The following TENM3 variants were observed in gnomAD, a reference collection of about 807,000 sequenced individuals.
TENM3 encodes the protein teneurin transmembrane protein 3, also known as teneurin-3.
Under a neutral mutation model 255.1 loss-of-function variants are expected in TENM3, and 63 were observed. The ratio of observed to expected loss-of-function variants is 0.25; its 90% confidence interval spans 0.20 to 0.30. TENM3 has a LOEUF of 0.30. Ranked by LOEUF, TENM3 falls within the 10% of genes least tolerant of loss-of-function variation. The probability of loss-of-function intolerance (pLI) is 1.00; values close to 1 mark genes in which losing one functional copy is unlikely to be tolerated. For synonymous variants in TENM3, 1,306 were observed against 1,322.3 expected (o/e 0.99, Z 0.27); for missense variants, 2,929 against 3,461.1 (o/e 0.85, Z 3.86).
intron 3 of TENM3, among the ~76,000 whole-genome samples, chr4:182,558,914 A>G (rs924692858): frequency 1.3e-5 from 2 of 152,124 alleles, no homozygotes; most frequent in Non-Finnish European, 2.9e-5. Flanking sequence ...TTATGATGTA[A>G]AAGAATAATC....
At chr4:182,462,068 CTT>C (rs34287537) in intron 3 of TENM3, among the ~76,000 whole-genome samples, 21 of 146,846 alleles carry the variant, frequency 1.4e-4, no homozygotes, top group South Asian at 4.3e-4. Flanking sequence ...CTCCTCTGAG[CTT>C]TTTTTTTTTT....
chr4:182,779,011 T>C (rs1764925582), intron 24 of TENM3, among the ~76,000 whole-genome samples: 1 of 151,356 alleles, frequency 6.6e-6, no homozygotes, highest in Non-Finnish European at 1.5e-5. Context: ...ACAGATTTTG[T>C]TACTGGTTTT....
chr4:181,739,807 A>C, the TENM3 span, among the ~76,000 whole-genome samples: 1 of 152,232 alleles, frequency 6.6e-6, no homozygotes, highest in East Asian at 1.9e-4. Context: ...TTTTAATTAT[A>C]AAAATTAGCA....
chr4:182,013,926 A>G, the TENM3 span, among the ~76,000 whole-genome samples: 6 of 148,152 alleles, frequency 4.0e-5, no homozygotes, highest in South Asian at 2.1e-4. Context: ...TTATATATAC[A>G]TATATCTGTG....
chr4:182,779,312 G>GT (rs1764977447), intron 24 of TENM3, among the ~76,000 whole-genome samples: 1 of 151,622 alleles, frequency 6.6e-6, no homozygotes, highest in Non-Finnish European at 1.5e-5. Flanking sequence ...ACGGTGTTTG[G>GT]TTTTTTTGTA....
At chr4:182,317,450 C>A (rs1762812376) in intron 1 of TENM3, among the ~76,000 whole-genome samples, 1 of 151,050 alleles carries the variant, frequency 6.6e-6, no homozygotes, top group Non-Finnish European at 1.5e-5. Flanking sequence ...CAGGCATGTG[C>A]CACTGTGCCT....
the TENM3 span, among the ~76,000 whole-genome samples, chr4:181,956,432 G>C: frequency 3.9e-5 from 6 of 152,156 alleles, no homozygotes; most frequent in Non-Finnish European, 2.9e-5. Flanking sequence ...GAGTATCTAT[G>C]CCTTTATAAT....
the TENM3 span, among the ~76,000 whole-genome samples, chr4:182,091,478 A>G: frequency 6.6e-6 from 1 of 152,180 alleles, no homozygotes; most frequent in Non-Finnish European, 1.5e-5. Context: ...GGCCAGGCGA[A>G]CTAAAGGAAA....
chr4:182,174,544 T>C (rs1346963184), intron 1 of TENM3, among the ~76,000 whole-genome samples: 3 of 129,356 alleles, frequency 2.3e-5, no homozygotes, highest in Non-Finnish European at 5.3e-5. Context: ...ACACACACTT[T>C]AACAGGGAGG....
intron 3 of TENM3, among the ~76,000 whole-genome samples, chr4:182,551,551 AAGAG>A (rs138631871): frequency 0.032 from 4,850 of 152,238 alleles, 251 homozygotes; most frequent in African/African-American, 0.11. Context: ...AATTGTACAA[AAGAG>A]AGAGATAATA....
intron 1 of TENM3, among the ~76,000 whole-genome samples, chr4:182,234,054 A>C (rs1446423885): frequency 6.6e-6 from 1 of 152,114 alleles, no homozygotes; most frequent in Non-Finnish European, 1.5e-5. Flanking sequence ...ATAGGAGCAG[A>C]GCTGGTTTAG....
At chr4:181,757,928 G>C in the TENM3 span, among the ~76,000 whole-genome samples, 1 of 152,076 alleles carries the variant, frequency 6.6e-6, no homozygotes, top group Non-Finnish European at 1.5e-5. Context: ...TGTTTTCTTT[G>C]ATCTATGATT....
At chr4:182,450,486 GA>G (rs1016318364) in intron 3 of TENM3, among the ~76,000 whole-genome samples, 4 of 152,144 alleles carry the variant, frequency 2.6e-5, no homozygotes, top group African/African-American at 9.7e-5. Flanking sequence ...TCTGCTATAA[GA>G]GGTTAAAAAA....
At chr4:182,332,379 G>C (rs1436169833) in intron 2 of TENM3, among the ~76,000 whole-genome samples, 1 of 152,032 alleles carries the variant, frequency 6.6e-6, no homozygotes, top group Non-Finnish European at 1.5e-5. Context: ...TAACAAAATA[G>C]GAATATACTA....
chr4:181,876,303 G>A, the TENM3 span, among the ~76,000 whole-genome samples: 44 of 152,052 alleles, frequency 2.9e-4, no homozygotes, highest in Admixed American at 6.5e-4. Context: ...TTTTTATTTT[G>A]AAACTATTTA....
intron 1 of TENM3, among the ~76,000 whole-genome samples, chr4:182,154,131 CT>C (rs1001537216): frequency 1.3e-5 from 2 of 150,392 alleles, no homozygotes; most frequent in Non-Finnish European, 3.0e-5. Flanking sequence ...GCACATTATG[CT>C]TTTTTTCTTT....
chr4:181,777,941 A>G, the TENM3 span, among the ~76,000 whole-genome samples: 1 of 152,104 alleles, frequency 6.6e-6, no homozygotes, highest in African/African-American at 2.4e-5. Context: ...AGTTTGAGAC[A>G]GGAGACTTAG....
the TENM3 span, among the ~76,000 whole-genome samples, chr4:181,902,356 T>A: frequency 2.6e-5 from 4 of 152,330 alleles, no homozygotes; most frequent in East Asian, 7.7e-4. Flanking sequence ...GCTCTTCAGT[T>A]TAATTAGATC....
intron 1 of TENM3, among the ~76,000 whole-genome samples, chr4:182,212,291 C>G (rs886391871): frequency 6.6e-6 from 1 of 152,226 alleles, no homozygotes; most frequent in Non-Finnish European, 1.5e-5. Flanking sequence ...ACATGGCTCC[C>G]ACGCTGTTTC....
Sources: allele counts gnomAD v4.1 joint callset (sites outside exome capture counted in the v4.1 genomes callset), GRCh38; gene constraint gnomAD v4.1.1; transcripts MANE v1.5; gene names NCBI Gene and HGNC (gene_info 2026-07-23, HGNC 2026-07-21).